Variants in GPM6A observed in about 807,000 individuals in gnomAD.
GPM6A encodes glycoprotein M6A.
In GPM6A, 7 loss-of-function variants were observed where a neutral mutation model predicts 32.1. That is an observed-to-expected ratio of 0.22 (90% CI 0.12 to 0.41). The LOEUF is 0.41. GPM6A is among the 10% of genes least tolerant of loss of function. GPM6A has a pLI of 1.00. For synonymous variants in GPM6A, 130 were observed against 123.4 expected, an observed-to-expected ratio of 1.05 and a Z score of -0.35; for missense variants, 235 against 347.2, an observed-to-expected ratio of 0.68 and a Z score of 2.57.
chr4:175,851,160 C>T (rs930723871), intron 1 of GPM6A, among the ~76,000 whole-genome samples: 2 of 152,054 alleles, frequency 1.3e-5, no homozygotes, highest in African/African-American at 4.8e-5. Flanking sequence ...AGTTTGAGAC[C>T]AGCCTGGCCA....
intron 1 of GPM6A, among the ~76,000 whole-genome samples, chr4:175,991,828 A>G (rs1741154038): frequency 6.6e-6 from 1 of 152,164 alleles, no homozygotes. Flanking sequence ...GGATGTATAG[A>G]CTAGGATTTA....
At chr4:175,998,877 C>T (rs1198458262) in intron 1 of GPM6A, among the ~76,000 whole-genome samples, 2 of 152,216 alleles carry the variant, frequency 1.3e-5, no homozygotes, top group Admixed American at 1.3e-4. Flanking sequence ...GTCTTCCCTG[C>T]TCAAAAACCT....
upstream of GPM6A, among the ~76,000 whole-genome samples, chr4:175,817,148 G>A (rs1398206992): frequency 6.6e-6 from 1 of 152,154 alleles, no homozygotes; most frequent in African/African-American, 2.4e-5. Context: ...GTGAGCCACC[G>A]CCCCGCGGCC....
At chr4:175,709,559 C>A (rs1236043310) in intron 1 of GPM6A, among the ~76,000 whole-genome samples, 1 of 151,972 alleles carries the variant, frequency 6.6e-6, no homozygotes, top group African/African-American at 2.4e-5. Context: ...GAAACCCCAT[C>A]TCTGCTAAAA....
rs1201647660 is a variant in GPM6A at position 175,983,222 on chromosome 4, T to G, written c.-23+19087A>C. Among the ~76,000 whole-genome samples the G allele has an allele frequency of 2.6e-5, 4 of 152,326 alleles. No individual in the cohort carries two copies. The South Asian group carries it at 6.2e-4, about 24-fold the overall frequency. On this transcript the variant is annotated intron_variant, in intron 1 of 7. Transcript: ENST00000280187. ...GGACCTCCAACTCTTCAAGTGGCTG[T>G]GATTATTGCATAACGTATCAGACAG...
At chr4:175,742,641 C>T (rs1057290083) in intron 1 of GPM6A, among the ~76,000 whole-genome samples, 3 of 152,048 alleles carry the variant, frequency 2.0e-5, no homozygotes, top group African/African-American at 7.2e-5. Flanking sequence ...AGTACAAAAA[C>T]TGTTTCTTAG....
chr4:175,923,111 C>A (rs890398292), intron 1 of GPM6A, among the ~76,000 whole-genome samples: 1 of 150,728 alleles, frequency 6.6e-6, no homozygotes, highest in Non-Finnish European at 1.5e-5. Context: ...AAATCTTTTT[C>A]TAGAAAATAT....
chr4:175,950,515 A>G (rs1402846921), intron 1 of GPM6A, among the ~76,000 whole-genome samples: 3 of 152,186 alleles, frequency 2.0e-5, no homozygotes, highest in African/African-American at 7.2e-5. Context: ...CTTTCCAGGA[A>G]AGGAATTGCA....
intron 2 of GPM6A, among the ~76,000 whole-genome samples, chr4:175,699,229 C>G (rs1744738572): frequency 6.6e-6 from 1 of 152,110 alleles, no homozygotes. Context: ...TTAAGACTCT[C>G]TAAAAGCTAA....
chr4:175,984,895 C>T (rs1740928149), intron 1 of GPM6A, among the ~76,000 whole-genome samples: 1 of 152,080 alleles, frequency 6.6e-6, no homozygotes, highest in Admixed American at 6.6e-5. Flanking sequence ...TAATTCCTCC[C>T]CTATTATATA....
intron 2 of GPM6A, among the ~76,000 whole-genome samples, chr4:175,694,162 T>G (rs1744445493): frequency 6.6e-6 from 1 of 152,194 alleles, no homozygotes; most frequent in African/African-American, 2.4e-5. Flanking sequence ...TTACCCAGTT[T>G]CAACTATTTC....
chr4:175,671,652 G>A (rs962901055), intron 3 of GPM6A, among the ~76,000 whole-genome samples: 1 of 152,142 alleles, frequency 6.6e-6, no homozygotes, highest in African/African-American at 2.4e-5. Context: ...GGGGAAGGGA[G>A]GCAGGGTTCT....
intron 1 of GPM6A, among the ~76,000 whole-genome samples, chr4:175,828,882 C>A (rs1735519790): frequency 6.6e-6 from 1 of 152,118 alleles, no homozygotes; most frequent in East Asian, 1.9e-4. Context: ...ATTGGCATTA[C>A]AAACATTTCA....
chr4:175,813,000 GGAGT>G, upstream of GPM6A: 1 of 984,898 alleles, frequency 1.0e-6, no homozygotes, highest in Non-Finnish European at 1.2e-6. Context: ...GGCTGTCAAA[GGAGT>G]GAGTATAAAG....
At chr4:175,731,810 C>A (rs2111143512) in intron 1 of GPM6A, among the ~76,000 whole-genome samples, 1 of 152,202 alleles carries the variant, frequency 6.6e-6, no homozygotes, top group East Asian at 1.9e-4. Flanking sequence ...CCTCTCTGAC[C>A]TTATCTTTGC....
intron 1 of GPM6A, among the ~76,000 whole-genome samples, chr4:175,881,259 G>A (rs1737266408): frequency 6.6e-6 from 1 of 152,112 alleles, no homozygotes; most frequent in Non-Finnish European, 1.5e-5. Flanking sequence ...ATCATCACTG[G>A]CCATCAGAGA....
intron 1 of GPM6A, among the ~76,000 whole-genome samples, chr4:175,983,962 G>T (rs1740890518): frequency 6.6e-6 from 1 of 151,442 alleles, no homozygotes; most frequent in Admixed American, 6.6e-5. Context: ...CATATAGGAG[G>T]ACTCCAGTTA....
intron 2 of GPM6A, among the ~76,000 whole-genome samples, chr4:175,684,409 T>C (rs936810918): frequency 6.6e-6 from 1 of 152,194 alleles, no homozygotes; most frequent in Admixed American, 6.5e-5. Flanking sequence ...TGCCTTCTTC[T>C]AGCATGTGTC....
intron 1 of GPM6A, among the ~76,000 whole-genome samples, chr4:175,988,178 T>G (rs1741035984): frequency 6.6e-6 from 1 of 152,192 alleles, no homozygotes; most frequent in African/African-American, 2.4e-5. Context: ...AAATATTTGT[T>G]GCCACTATAG....
Sources: gnomAD v4.1 joint callset for allele counts (sites outside exome capture counted in the v4.1 genomes callset) on GRCh38, gnomAD v4.1.1 for gene constraint, MANE v1.5 for transcripts, NCBI Gene and HGNC (gene_info 2026-07-23, HGNC 2026-07-21) for gene names.